FMN2: variants seen among roughly 807,000 people sequenced by gnomAD.
The protein encoded by FMN2 is formin-2.
Under a neutral mutation model 142.3 loss-of-function variants are expected in FMN2, and 51 were observed. That is an observed-to-expected ratio of 0.36 (90% CI 0.29 to 0.45). The LOEUF (loss-of-function observed/expected upper bound fraction) is 0.45. Ranked by LOEUF, FMN2 falls within the 20% of genes least tolerant of loss-of-function variation. FMN2 has a pLI of 1.00. For synonymous variants in FMN2, 882 were observed against 869.8 expected, an observed-to-expected ratio of 1.01 and a Z score of -0.25; for missense variants, 1,936 against 2,122.8, an observed-to-expected ratio of 0.91 and a Z score of 1.73.
intron 16 of FMN2, among the ~76,000 whole-genome samples, chr1:240,460,591 A>T (rs1163865324): frequency 6.6e-6 from 1 of 152,104 alleles, no homozygotes; most frequent in Non-Finnish European, 1.5e-5. Context: ...AACAGAAAAG[A>T]CTCGAACGAT....
chr1:240,368,050 G>T (rs947226456), intron 14 of FMN2, among the ~76,000 whole-genome samples: 1 of 152,088 alleles, frequency 6.6e-6, no homozygotes, highest in African/African-American at 2.4e-5. Flanking sequence ...ATATATGTAT[G>T]AGGCTTTCTT....
chr1:240,324,916 G>A (rs1671109806), intron 8 of FMN2, among the ~76,000 whole-genome samples: 1 of 152,052 alleles, frequency 6.6e-6, no homozygotes, highest in Non-Finnish European at 1.5e-5. Context: ...ACTATGAGGG[G>A]AATTCTAAGA....
rs997465212 is a variant in FMN2, at chr1:240,424,139, T to C, written c.4911-13922T>C. On this transcript the variant is annotated intron_variant, in intron 15 of 17. Coordinates refer to ENST00000319653, the MANE Select transcript of FMN2 (RefSeq NM_020066.5). ...CAGGTGGCAGGAAGCTCTGTGTCTG[T>C]GTATACATACATAGGTGTACATGAG... 4.6e-5 allele frequency among the ~76,000 whole-genome samples: 7 copies of C among 152,350 alleles called. No homozygotes were observed. In the South Asian group the frequency reaches 1.5e-3, roughly 32 times the overall value.
chr1:240,117,451 G>A (rs545837628), intron 1 of FMN2, among the ~76,000 whole-genome samples: 5 of 152,320 alleles, frequency 3.3e-5, no homozygotes, highest in South Asian at 4.1e-4. Context: ...GGATGGCTGC[G>A]CCGAAACAGG....
chr1:240,142,990 A>G, intron 2 of FMN2: 1 of 1,569,612 alleles, frequency 6.4e-7, no homozygotes, highest in Non-Finnish European at 8.8e-7. Flanking sequence ...TCCAGGAAAG[A>G]GAGAGGCACG....
chr1:240,249,483 C>T (rs555663228), intron 6 of FMN2, among the ~76,000 whole-genome samples: 3 of 152,196 alleles, frequency 2.0e-5, no homozygotes, highest in Admixed American at 6.5e-5. Flanking sequence ...CAATACCATA[C>T]AGTTTTGATT....
chr1:240,305,950 AGT>A (rs1670374522), intron 8 of FMN2, among the ~76,000 whole-genome samples: 2 of 135,982 alleles, frequency 1.5e-5, no homozygotes, highest in South Asian at 2.3e-4. Context: ...TATGCTTGTA[AGT>A]TTTTTTTTTT....
intron 2 of FMN2, among the ~76,000 whole-genome samples, chr1:240,148,124 C>G (rs538240869): frequency 6.6e-6 from 1 of 152,254 alleles, no homozygotes; most frequent in Admixed American, 6.5e-5. Context: ...TGGTTAACTT[C>G]TTGTGTGTAA....
chr1:240,202,176 G>T (rs1173129501), intron 4 of FMN2, among the ~76,000 whole-genome samples: 1 of 152,202 alleles, frequency 6.6e-6, no homozygotes, highest in Non-Finnish European at 1.5e-5. Context: ...TAAACGGGAA[G>T]GGGAGGATGG....
chr1:240,102,883 G>C lies in FMN2; in HGVS notation c.1615+9159G>C, dbSNP rs867891666. 2.8e-3 allele frequency among the ~76,000 whole-genome samples: 255 copies of C among 92,042 alleles called. 1 individual carries two copies. The highest frequency in any genetic ancestry group is 9.9e-3 in the African/African-American group (244 of 24,566). 60.4% of individuals were successfully genotyped at this position (92,042 alleles called of 152,430 possible). ...CCTTTAATTTTTTTTTTTTTTTTTT[G>C]AGACAGGGTCTCACTCTGTCACCCA... On this transcript the variant is annotated intron_variant, in intron 1 of 17. Transcript: ENST00000319653.
chr1:240,184,838 A>G (rs1003723696), intron 3 of FMN2, among the ~76,000 whole-genome samples: 1 of 151,876 alleles, frequency 6.6e-6, no homozygotes, highest in Non-Finnish European at 1.5e-5. Flanking sequence ...AGATTCACCT[A>G]TCTAGTGACT....
At chr1:240,385,881 G>GAT (rs58593059) in intron 14 of FMN2, among the ~76,000 whole-genome samples, 18,348 of 151,470 alleles carry the variant, frequency 0.12, 1,182 homozygotes, top group African/African-American at 0.17. Flanking sequence ...GAGGCACAAT[G>GAT]ATATATATAT....
At chr1:240,329,839 C>A (rs115893716) in intron 10 of FMN2, among the ~76,000 whole-genome samples, 1,679 of 151,992 alleles carry the variant, frequency 0.011, 31 homozygotes, top group African/African-American at 0.037. Flanking sequence ...GGAAGGACCT[C>A]TCCACAAACT....
chr1:240,123,384 T>C (rs768577109), intron 2 of FMN2, 39 bp downstream of exon 2: 2 of 1,592,656 alleles, frequency 1.3e-6, no homozygotes, highest in Admixed American at 3.4e-5. Flanking sequence ...GAGGCAGATT[T>C]GCTGTGGAAA....
intron 16 of FMN2, among the ~76,000 whole-genome samples, chr1:240,467,922 T>G (rs1207136135): frequency 2.0e-5 from 3 of 152,230 alleles, no homozygotes; most frequent in Non-Finnish European, 4.4e-5. Context: ...CATTTCCTGT[T>G]TTCTAGTCTC....
intron 2 of FMN2, chr1:240,144,497 A>G (rs562233830): frequency 1.5e-5 from 23 of 1,538,530 alleles, no homozygotes; most frequent in Admixed American, 1.3e-4. Context: ...CATGAATGCC[A>G]TCTGTTTCTG....
chr1:240,449,598 T>C (rs765002815), intron 16 of FMN2, among the ~76,000 whole-genome samples: 11 of 152,222 alleles, frequency 7.2e-5, no homozygotes, highest in Non-Finnish European at 1.0e-4. Flanking sequence ...TTGACACTTC[T>C]AGTTCATTCA....
chr1:240,435,398 A>T (rs1301527298), intron 15 of FMN2, among the ~76,000 whole-genome samples: 1 of 151,834 alleles, frequency 6.6e-6, no homozygotes, highest in African/African-American at 2.4e-5. Context: ...AAAAAAAAAA[A>T]TCTTCAGAGA....
At chr1:240,102,518 G>A (rs1175082409) in intron 1 of FMN2, among the ~76,000 whole-genome samples, 2 of 152,118 alleles carry the variant, frequency 1.3e-5, no homozygotes, top group Non-Finnish European at 2.9e-5. Context: ...TTTGGAGAGG[G>A]TAAGTTATGT....
Sources: gnomAD v4.1 joint callset for allele counts (sites outside exome capture counted in the v4.1 genomes callset) on GRCh38, gnomAD v4.1.1 for gene constraint, MANE v1.5 for transcripts, NCBI Gene and HGNC (gene_info 2026-07-23, HGNC 2026-07-21) for gene names.